UROC1: variants seen among roughly 807,000 people sequenced by gnomAD.
UROC1 encodes urocanate hydratase.
A neutral mutation model predicts 89.5 loss-of-function variants in UROC1; 79 were observed. That is an observed-to-expected ratio of 0.88 (90% CI 0.74 to 1.06). The LOEUF is 1.06. Ranked by LOEUF, UROC1 falls within the 50% of genes least tolerant of loss-of-function variation. The pLI, the probability that UROC1 is intolerant of heterozygous loss-of-function variation, is 0.00. For missense variants in UROC1, 885 were observed against 907.8 expected (o/e 0.97, Z 0.32); for synonymous variants, 361 against 354.8 (o/e 1.02, Z -0.20).
Position 126,501,789 on chromosome 3 carries a change from T to C in UROC1, c.903-509A>G, listed in dbSNP as rs374395117. 1.7e-5 allele frequency: 27 copies of C among 1,599,126 alleles called. No individual in the cohort carries two copies. The East Asian group carries it at 2.0e-4, about 12-fold the overall frequency. On this transcript the variant is annotated intron_variant, in intron 9 of 19. Transcript: ENST00000290868. ...GGTATGGTCCCCATGAAAGAGCAGA[T>C]TGAATGCTTACCAGGAGTGGCCTGG...
chr3:126,515,009 C>A (rs1229826644), intron 1 of UROC1, among the ~76,000 whole-genome samples: 2 of 152,026 alleles, frequency 1.3e-5, no homozygotes, highest in African/African-American at 4.8e-5. Flanking sequence ...ACTCAGGGAG[C>A]CGCCCGTAGC....
intron 18 of UROC1, among the ~76,000 whole-genome samples, chr3:126,487,496 C>T (rs1935544256): frequency 2.6e-5 from 4 of 152,322 alleles, no homozygotes; most frequent in South Asian, 4.1e-4. Flanking sequence ...AATGCTCCAC[C>T]GGGACTTGGC....
At chr3:126,490,708 G>C (rs554140252) in intron 16 of UROC1, among the ~76,000 whole-genome samples, 4 of 152,028 alleles carry the variant, frequency 2.6e-5, no homozygotes, top group African/African-American at 9.7e-5. Context: ...GTTCTAACTG[G>C]CAATTTAAAA....
rs537635131 is a variant in UROC1 at position 126,488,237 on chromosome 3, G to C, written c.1751C>G (p.Ala584Gly). 2.5e-6 allele frequency: 4 copies of C among 1,614,212 alleles called. No homozygotes were observed. The highest frequency in any genetic ancestry group is 3.4e-6 in the Non-Finnish European group (4 of 1,180,034). Residue 584 changes from alanine to glycine, a missense_variant, in exon 18 of 20, where the codon GCC becomes GGC. By Grantham distance (60) the Ala-to-Gly change is moderately conservative. Transcript: ENST00000290868. ...TCCGTTGTGAAGGGCGACCCAGGTG[G>C]CTCCGCGACAGGCATCTCCCACGAA... ...QNFVGDACRG[A>G]TWVALHNGGG...
At chr3:126,487,969 T>A (rs530598857) in intron 18 of UROC1, among the ~76,000 whole-genome samples, 2 of 152,150 alleles carry the variant, frequency 1.3e-5, no homozygotes, top group African/African-American at 4.8e-5. Flanking sequence ...CTGAGACCCA[T>A]GTGGCAGGGG....
intron 9 of UROC1, among the ~76,000 whole-genome samples, chr3:126,502,165 T>C (rs1161737299): frequency 6.6e-6 from 1 of 152,126 alleles, no homozygotes; most frequent in Non-Finnish European, 1.5e-5. Context: ...TGTGAGAATA[T>C]ATGTTATGGG....
chr3:126,501,366 G>A (rs1335857133), intron 9 of UROC1, 86 bp from the exon 10 acceptor site: 1 of 1,525,256 alleles, frequency 6.6e-7, no homozygotes, highest in Non-Finnish European at 9.0e-7. Context: ...TGCACACAGG[G>A]GCAGACCCAG....
intron 1 of UROC1, 32 bp from the exon 2 acceptor site, chr3:126,510,826 C>T (rs199632119): frequency 5.0e-6 from 8 of 1,607,220 alleles, no homozygotes; most frequent in Non-Finnish European, 6.8e-6. Flanking sequence ...GCAGTCGGGG[C>T]TGGGACTCCA....
chr3:126,510,744 C>T lies in UROC1; in HGVS notation c.177G>A (p.Leu59=), dbSNP rs1288212478. 5.0e-6 allele frequency: 8 copies of T among 1,614,150 alleles called. No individual in the cohort carries two copies. In the South Asian group the frequency reaches 6.6e-5, roughly 13 times the overall value. Residue 59 remains leucine (L), a synonymous_variant, in exon 2 of 20, where the codon CTG becomes CTA. Coordinates refer to ENST00000290868, the MANE Select transcript of UROC1 (RefSeq NM_144639.3). The part of the protein sequence containing the change: ...LRYFPPDVQE[L]LAPEFAQELQ... ...GCTCCTGGGCAAACTCTGGGGCCAG[C>T]AGCTCCTGGACATCCGGGGGGAAGT... is the stretch of plus-strand genomic sequence containing the variant.
chr3:126,509,733 A>G (rs1936155080), intron 2 of UROC1, 55 bp from the exon 3 acceptor site: 1 of 1,500,018 alleles, frequency 6.7e-7, no homozygotes, highest in African/African-American at 1.4e-5. Context: ...CACAGCATCT[A>G]GCCTGGCCCC....
intron 19 of UROC1, among the ~76,000 whole-genome samples, chr3:126,482,756 C>T (rs1180337632): frequency 6.6e-6 from 1 of 152,128 alleles, no homozygotes; most frequent in Non-Finnish European, 1.5e-5. Context: ...GCAGCACCTC[C>T]CTCCCTTCTA....
chr3:126,499,379 C>T lies in UROC1; in HGVS notation c.1274G>A (p.Arg425Lys), dbSNP rs1935859902. 1 of 1,612,892 alleles carries T rather than the reference C, an allele frequency of 6.2e-7. No individual in the cohort carries two copies. Among genetic ancestry groups the T allele is most frequent in the South Asian group, 1.1e-5 (1 of 90,910 alleles). Residue 425 changes from arginine (R) to lysine (K), a missense_variant, in exon 13 of 20, where the codon AGG (arginine) becomes AAG (lysine). Arg to Lys is a conservative substitution (Grantham distance 26). Coordinates refer to ENST00000290868, the MANE Select transcript of UROC1 (RefSeq NM_144639.3). ...GADVEKKGAGRTEFRYPSYVQ... is the reference protein window; with the variant it reads ...GADVEKKGAGKTEFRYPSYVQ... ...ATAGGAAGGGTAGCGGAACTCTGTC[C>T]TGCCAGCACCTTTCTTCTCCACATC...
chr3:126,510,822 G>C, intron 1 of UROC1, 28 bp from the exon 2 acceptor site: 1 of 1,608,182 alleles, frequency 6.2e-7, no homozygotes, highest in Non-Finnish European at 8.5e-7. Flanking sequence ...AGAGGCAGTC[G>C]GGGCTGGGAC....
intron 15 of UROC1, among the ~76,000 whole-genome samples, chr3:126,494,900 C>T (rs551231332): frequency 1.3e-5 from 2 of 151,892 alleles, no homozygotes; most frequent in Admixed American, 1.3e-4. Flanking sequence ...GTTAGCTCAG[C>T]CTCACAACAC....
In UROC1 at chr3:126,500,868, G is replaced by T; in HGVS notation, c.972C>A (p.Arg324=). 1 of 1,613,634 alleles carries T rather than the reference G, an allele frequency of 6.2e-7. No individual in the cohort carries two copies. Among genetic ancestry groups the T allele is most frequent in the Non-Finnish European group, 8.5e-7 (1 of 1,180,000 alleles). The change falls in exon 11 of 20, where the codon CGC becomes CGA. Residue 324 remains arginine, a synonymous_variant. Transcript: ENST00000290868. ...YHGNVVALWE[R]LVHELDTTGE... is the part of the protein sequence containing the mutation. ...CCGTCGTGTCCAATTCGTGGACCAG[G>T]CGCTCCCTGGGGAAGCCATGCGGTG...
chr3:126,509,758 C>G, intron 2 of UROC1, 80 bp from the exon 3 acceptor site: 1 of 1,352,468 alleles, frequency 7.4e-7, no homozygotes, highest in Non-Finnish European at 1.0e-6. Flanking sequence ...AGCCCCTGGC[C>G]GCTCAGGCAA....
intron 6 of UROC1, among the ~76,000 whole-genome samples, chr3:126,506,483 G>C (rs775397286): frequency 6.6e-6 from 1 of 152,150 alleles, no homozygotes; most frequent in Non-Finnish European, 1.5e-5. Context: ...CCTGCACTGT[G>C]CCCATGGAAG....
chr3:126,486,241 T>A (rs982118425), intron 18 of UROC1, among the ~76,000 whole-genome samples: 9 of 152,206 alleles, frequency 5.9e-5, no homozygotes, highest in Non-Finnish European at 7.3e-5. Flanking sequence ...CGGTGGCCAC[T>A]GGAACTGACC....
Position 126,510,722 on chromosome 3 carries a change from C to A in UROC1, c.199G>T (p.Glu67Ter). The stretch of plus-strand genomic sequence containing the variant: ...TAGATGTGTCCGTACAGTTGCAGCT[C>A]CTGGGCAAACTCTGGGGCCAGCAGC... Reference protein sequence around the residue: ...QELLAPEFAQELQLYGHIYMY... With the variant: ...QELLAPEFAQ Residue 67 changes from glutamate to a stop codon, truncating the protein, a stop_gained, in exon 2 of 20, where the codon GAG becomes TAG. Transcript: ENST00000290868. LOFTEE classifies it high-confidence loss of function. 2.5e-6 allele frequency: 4 copies of A among 1,614,214 alleles called. No individual in the cohort carries two copies. Among genetic ancestry groups the A allele is most frequent in the Non-Finnish European group, 2.5e-6 (3 of 1,180,052 alleles).
Sources: allele counts gnomAD v4.1 joint callset (sites outside exome capture counted in the v4.1 genomes callset), GRCh38; gene constraint gnomAD v4.1.1; transcripts MANE v1.5; gene names NCBI Gene and HGNC (gene_info 2026-07-23, HGNC 2026-07-21).